Variants in TRAPPC13 observed in about 807,000 individuals in gnomAD.
TRAPPC13 encodes the protein REV7-interacting novel NHEJ regulator 1.
Under a neutral mutation model 54.0 loss-of-function variants are expected in TRAPPC13, and 39 were observed. That is an observed-to-expected ratio of 0.72 (90% CI 0.56 to 0.94). The LOEUF is 0.94. TRAPPC13 is among the 40% of genes least tolerant of loss of function. TRAPPC13 has a pLI of 0.00. For synonymous variants in TRAPPC13, 148 were observed against 167.7 expected, an observed-to-expected ratio of 0.88 and a Z score of 0.91; for missense variants, 386 against 488.1, an observed-to-expected ratio of 0.79 and a Z score of 1.97.
chr5:65,636,144 C>CA (rs544409689), intron 3 of TRAPPC13, 101 bp downstream of exon 3: 2 of 507,356 alleles, frequency 3.9e-6, no homozygotes, highest in Admixed American at 3.6e-5. Flanking sequence ...ATACATTTAC[C>CA]TTTTTTTTTT....
At position 65,664,201 on chromosome 5, in the gene TRAPPC13, C is replaced by T. The variant is rs766500546; in HGVS notation, c.999-36C>T. On this transcript the variant is annotated intron_variant, in intron 11 of 12. Coordinates refer to ENST00000399438, the MANE Select transcript of TRAPPC13 (RefSeq NM_024941.4). ...TTGCAGTACCTCTTTGTGAAATGAACAAGATTTATTCCTATTATTCTGATT... is the reference window on the plus strand; with the variant it reads ...TTGCAGTACCTCTTTGTGAAATGAATAAGATTTATTCCTATTATTCTGATT... 6.3e-6 allele frequency: 10 copies of T among 1,588,010 alleles called. No homozygotes were observed. In the Admixed American group the frequency reaches 7.1e-5, roughly 11 times the overall value.
intron 4 of TRAPPC13, among the ~76,000 whole-genome samples, chr5:65,641,752 A>G (rs152073): frequency 0.25 from 37,383 of 150,918 alleles, 4,937 homozygotes; most frequent in Non-Finnish European, 0.3. Context: ...AAACAAATAC[A>G]GAGAACTGTG....
chr5:65,643,585 G>A (rs1327251990), intron 4 of TRAPPC13, among the ~76,000 whole-genome samples: 2 of 152,074 alleles, frequency 1.3e-5, no homozygotes, highest in East Asian at 1.9e-4. Context: ...TTGGGAGGCC[G>A]AGGCGGGCGG....
chr5:65,652,657 A>C (rs1756510178), intron 7 of TRAPPC13, 112 bp downstream of exon 7: 2 of 808,788 alleles, frequency 2.5e-6, no homozygotes, highest in Non-Finnish European at 4.4e-6. Flanking sequence ...GTGACTGTAA[A>C]TTATTTGAAA....
chr5:65,631,612 A>G (rs1283874073), intron 1 of TRAPPC13, among the ~76,000 whole-genome samples: 1 of 152,136 alleles, frequency 6.6e-6, no homozygotes, highest in Non-Finnish European at 1.5e-5. Context: ...CACTTATGAG[A>G]ATATGTGGTA....
intron 1 of TRAPPC13, among the ~76,000 whole-genome samples, chr5:65,628,553 C>A (rs966507741): frequency 1.3e-5 from 2 of 150,882 alleles, no homozygotes; most frequent in South Asian, 2.1e-4. Flanking sequence ...TCACTGCAAA[C>A]CTCAACCTCC....
intron 8 of TRAPPC13, among the ~76,000 whole-genome samples, chr5:65,657,297 C>T (rs967683561): frequency 6.0e-5 from 9 of 150,720 alleles, no homozygotes; most frequent in African/African-American, 2.2e-4. Flanking sequence ...CAGGAGAATC[C>T]CTTGAACCCG....
intron 1 of TRAPPC13, among the ~76,000 whole-genome samples, chr5:65,628,412 G>A (rs1345484898): frequency 1.3e-5 from 2 of 151,628 alleles, no homozygotes; most frequent in African/African-American, 4.8e-5. Context: ...AGAATGACGT[G>A]AAATCATCAA....
chr5:65,637,263 G>A (rs1755781602), intron 3 of TRAPPC13, among the ~76,000 whole-genome samples: 3 of 152,224 alleles, frequency 2.0e-5, no homozygotes, highest in Admixed American at 6.5e-5. Context: ...TGTTGAAGCA[G>A]TATTTCACCA....
At chr5:65,641,240 G>A (rs148146249) in intron 4 of TRAPPC13, among the ~76,000 whole-genome samples, 4 of 152,256 alleles carry the variant, frequency 2.6e-5, no homozygotes, top group African/African-American at 9.6e-5. Flanking sequence ...GGCCAGATAA[G>A]CCAATTGTGA....
intron 8 of TRAPPC13, among the ~76,000 whole-genome samples, chr5:65,656,197 A>G (rs984070030): frequency 4.6e-5 from 7 of 152,390 alleles, no homozygotes; most frequent in African/African-American, 1.4e-4. Context: ...TTACATATGT[A>G]ATAACATCAA....
chr5:65,636,006 A>T lies in TRAPPC13; in HGVS notation c.178A>T (p.Met60Leu). The T allele has an allele frequency of 6.2e-7, 1 of 1,601,126 alleles. No homozygotes were observed. The highest frequency in any genetic ancestry group is 8.5e-7 in the Non-Finnish European group (1 of 1,173,192). ...AACCGTTAATGGTGCAGAAGTTTTA[A>T]TGTTGGGAGAAATGCTGACTTTACC... ...PSTVNGAEVL[M>L]LGEMLTLPQN... Residue 60 changes from methionine (M) to leucine (L), a missense_variant, in exon 3 of 13, where the codon ATG becomes TTG. By Grantham distance (15) the Met-to-Leu change is conservative. Transcript: ENST00000399438.
In TRAPPC13 at chr5:65,664,564, A is replaced by G. The variant is rs769874159; in HGVS notation, c.1207A>G (p.Ile403Val). 2.6e-5 allele frequency: 42 copies of G among 1,612,672 alleles called. No homozygotes were observed. The highest frequency in any genetic ancestry group is 3.4e-5 in the Admixed American group (2 of 59,570). ...FLKRTYEYDD[I>V]AQVCVVSSAI... Reference sequence around the variant, plus strand: ...AAAGAGAACATATGAATATGATGACATCGCACAAGTCTGTGTGGTATCTTC... The same window carrying G: ...AAAGAGAACATATGAATATGATGACGTCGCACAAGTCTGTGTGGTATCTTC... Residue 403 changes from isoleucine to valine, a missense_variant, in exon 13 of 13, where the codon ATC (isoleucine) becomes GTC (valine). Physicochemically the swap from Ile to Val is conservative, Grantham distance 29. Coordinates refer to ENST00000399438, the MANE Select transcript of TRAPPC13 (RefSeq NM_024941.4).
At chr5:65,651,356 G>A (rs1402540736) in intron 6 of TRAPPC13, among the ~76,000 whole-genome samples, 2 of 152,104 alleles carry the variant, frequency 1.3e-5, no homozygotes, top group African/African-American at 4.8e-5. Context: ...ACTCCAGCTT[G>A]GTCAACAGAA....
intron 1 of TRAPPC13, chr5:65,634,916 CTTA>C: frequency 7.5e-6 from 1 of 132,648 alleles, no homozygotes; most frequent in Non-Finnish European, 9.7e-6. Flanking sequence ...ACAAAAAACA[CTTA>C]CTGAGTTTCC....
chr5:65,643,818 G>GAAAAAAAAAAAAA (rs529875913), intron 4 of TRAPPC13, among the ~76,000 whole-genome samples: 1 of 50,012 alleles, frequency 2.0e-5, no homozygotes. Flanking sequence ...CTCCGTCTCA[G>GAAAAAAAAAAAAA]AAAAAAAAAA....
intron 3 of TRAPPC13, among the ~76,000 whole-genome samples, chr5:65,636,454 G>A (rs1755754392): frequency 6.6e-6 from 1 of 151,634 alleles, no homozygotes; most frequent in African/African-American, 2.4e-5. Context: ...TGATACATTT[G>A]AGGGGCAAAA....
At chr5:65,663,245 G>A (rs1756905764) in intron 11 of TRAPPC13, 1 of 151,858 alleles carries the variant, frequency 6.6e-6, no homozygotes, top group Admixed American at 6.6e-5. Context: ...AACTTTTGGT[G>A]ATTCATACAA....
At chr5:65,636,837 A>C (rs1481669428) in intron 3 of TRAPPC13, among the ~76,000 whole-genome samples, 2 of 152,228 alleles carry the variant, frequency 1.3e-5, no homozygotes, top group African/African-American at 4.8e-5. Flanking sequence ...GACAAAAAGA[A>C]ATTTTACAGA....
Sources: allele counts gnomAD v4.1 joint callset (sites outside exome capture counted in the v4.1 genomes callset), GRCh38; gene constraint gnomAD v4.1.1; transcripts MANE v1.5; gene names NCBI Gene and HGNC (gene_info 2026-07-23, HGNC 2026-07-21).